YIPF1: variants seen among roughly 807,000 people sequenced by gnomAD.
YIPF1 encodes Yip1 domain family member 1.
YIPF1 carries 22 observed loss-of-function variants against 37.0 expected under a neutral mutation model. The ratio of observed to expected loss-of-function variants is 0.59; its 90% confidence interval spans 0.42 to 0.85. The LOEUF (loss-of-function observed/expected upper bound fraction) is 0.85. Ranked by LOEUF, YIPF1 falls within the 40% of genes least tolerant of loss-of-function variation. The probability of loss-of-function intolerance (pLI) is 0.00; values close to 1 mark genes in which losing one functional copy is unlikely to be tolerated. For synonymous variants in YIPF1, 128 were observed against 131.9 expected (o/e 0.97, Z 0.21); for missense variants, 355 against 373.1 (o/e 0.95, Z 0.40).
At chr1:53,873,908 C>G (rs969740981) in intron 6 of YIPF1, among the ~76,000 whole-genome samples, 1 of 152,146 alleles carries the variant, frequency 6.6e-6, no homozygotes, top group African/African-American at 2.4e-5. Context: ...CTAGCATTCT[C>G]TAGCTGCCCC....
At chr1:53,859,773 G>C (rs575892128) in intron 10 of YIPF1, among the ~76,000 whole-genome samples, 61 of 152,296 alleles carry the variant, frequency 4.0e-4, no homozygotes, top group Admixed American at 3.3e-3. Context: ...AGGGAGAAGA[G>C]AGTCCCCTCT....
intron 9 of YIPF1, among the ~76,000 whole-genome samples, chr1:53,860,840 G>A (rs1649851549): frequency 6.6e-6 from 1 of 152,206 alleles, no homozygotes; most frequent in African/African-American, 2.4e-5. Context: ...AAGGAGGGAA[G>A]ACATAAGGTC....
At chr1:53,885,538 G>C (rs1650623114) in intron 3 of YIPF1, among the ~76,000 whole-genome samples, 2 of 152,034 alleles carry the variant, frequency 1.3e-5, no homozygotes, top group Admixed American at 1.3e-4. Context: ...AAGTATAACT[G>C]GGCTGGATGC....
chr1:53,853,276 C>T (rs902109902), intron 10 of YIPF1, among the ~76,000 whole-genome samples: 3 of 152,146 alleles, frequency 2.0e-5, no homozygotes, highest in Admixed American at 1.3e-4. Flanking sequence ...CTTAACTTGC[C>T]AGGCGAGGGT....
intron 4 of YIPF1, 70 bp from the exon 5 acceptor site, chr1:53,878,792 G>GTGCATT: frequency 7.0e-7 from 1 of 1,435,006 alleles, no homozygotes; most frequent in South Asian, 1.3e-5. Flanking sequence ...TGGGGTGCAG[G>GTGCATT]AGGGATCTGA....
At chr1:53,880,985 C>T (rs1242735580) in intron 4 of YIPF1, among the ~76,000 whole-genome samples, 3 of 152,084 alleles carry the variant, frequency 2.0e-5, no homozygotes, top group African/African-American at 7.2e-5. Flanking sequence ...GGAATACCAG[C>T]TGGGCGCGGT....
intron 6 of YIPF1, among the ~76,000 whole-genome samples, chr1:53,873,704 G>A (rs961002122): frequency 9.2e-5 from 14 of 151,506 alleles, no homozygotes; most frequent in Non-Finnish European, 1.3e-4. Flanking sequence ...AAAAAAAAGT[G>A]GGGGCGGGGG....
At chr1:53,867,013 T>C (rs1650047431) in intron 7 of YIPF1, 89 bp from the exon 8 acceptor site, 1 of 1,458,644 alleles carries the variant, frequency 6.9e-7, no homozygotes, top group African/African-American at 1.4e-5. Flanking sequence ...ACTTAAATGC[T>C]AACATGTCAA....
At chr1:53,882,420 G>C (rs990737275) in intron 4 of YIPF1, among the ~76,000 whole-genome samples, 3 of 151,950 alleles carry the variant, frequency 2.0e-5, no homozygotes, top group Admixed American at 2.0e-4. Context: ...GCCCATTCCT[G>C]GAGGTACTCA....
chr1:53,867,001 G>A (rs1172218904), intron 7 of YIPF1, 77 bp from the exon 8 acceptor site: 2 of 1,486,752 alleles, frequency 1.3e-6, no homozygotes, highest in Non-Finnish European at 1.8e-6. Context: ...ACACCTTATT[G>A]TACTTAAATG....
intron 3 of YIPF1, among the ~76,000 whole-genome samples, chr1:53,888,661 CAT>C (rs1650720682): frequency 6.6e-6 from 1 of 152,128 alleles, no homozygotes; most frequent in Non-Finnish European, 1.5e-5. Flanking sequence ...ACTGTGTAAG[CAT>C]TTTCTGTAAT....
At position 53,866,879 on chromosome 1, in the gene YIPF1, G is replaced by A. The variant is rs1362311506; in HGVS notation, c.527C>T (p.Pro176Leu). 1 of 1,614,138 alleles carries A rather than the reference G, an allele frequency of 6.2e-7. No individual in the cohort carries two copies. Among genetic ancestry groups the A allele is most frequent in the Non-Finnish European group, 8.5e-7 (1 of 1,179,992 alleles). ...CATGAGGAAACCCCAGAGTGCAAGA[G>A]GAACCAGCCAGGCATAGGCATAGAT... ...TIIYAYAWLV[P>L]LALWGFLMWR... Residue 176 changes from proline (P) to leucine (L), a missense_variant, in exon 8 of 11, where the codon CCT becomes CTT. Transcript: ENST00000072644.
chr1:53,870,906 G>A (rs564214039), intron 7 of YIPF1, among the ~76,000 whole-genome samples: 19 of 151,326 alleles, frequency 1.3e-4, no homozygotes, highest in Non-Finnish European at 2.4e-4. Context: ...CAGCTACTCA[G>A]GAGGCTGAGG....
intron 4 of YIPF1, among the ~76,000 whole-genome samples, chr1:53,879,094 C>T (rs1031840455): frequency 7.5e-6 from 1 of 133,830 alleles, no homozygotes; most frequent in African/African-American, 2.8e-5. Flanking sequence ...GTGTAAATAT[C>T]TTTTCGCTTT....
At chr1:53,885,227 T>C (rs1375176144) in intron 3 of YIPF1, among the ~76,000 whole-genome samples, 1 of 152,208 alleles carries the variant, frequency 6.6e-6, no homozygotes, top group Non-Finnish European at 1.5e-5. Flanking sequence ...GTACCTCTTA[T>C]TGATTGTACA....
chr1:53,866,454 A>G (rs1650027531), intron 8 of YIPF1, 72 bp from the exon 9 acceptor site: 4 of 1,520,782 alleles, frequency 2.6e-6, no homozygotes, highest in Non-Finnish European at 3.6e-6. Context: ...ATATGTTTAC[A>G]AAGGCCCCTG....
At chr1:53,859,635 A>T (rs1376515472) in intron 10 of YIPF1, among the ~76,000 whole-genome samples, 1 of 152,202 alleles carries the variant, frequency 6.6e-6, no homozygotes, top group Non-Finnish European at 1.5e-5. Flanking sequence ...ATTGCACTCC[A>T]GCTTGGGCAA....
rs1339454894 is a variant in YIPF1 at position 53,878,710 on chromosome 1, G to A, written c.208C>T (p.Gln70Ter). The part of the protein sequence containing the change: ...DSDKTELLAG[Q>*]KKSSPFWTFE... Reference sequence around the variant, plus strand: ...GTCCAGAAGGGGGAGCTTTTCTTCTGTCCAGCAAGTAACTGTCAGAAATAA... The same window carrying A: ...GTCCAGAAGGGGGAGCTTTTCTTCTATCCAGCAAGTAACTGTCAGAAATAA... The change falls in exon 5 of 11, where the codon CAG becomes TAG. Residue 70 changes from glutamine to a stop codon, truncating the protein, a stop_gained. Transcript: ENST00000072644. LOFTEE classifies it high-confidence loss of function. 1 of 1,591,058 alleles carries A rather than the reference G, an allele frequency of 6.3e-7. No individual in the cohort carries two copies.
At chr1:53,859,321 AGAGT>A (rs1649804512) in intron 10 of YIPF1, among the ~76,000 whole-genome samples, 1 of 152,224 alleles carries the variant, frequency 6.6e-6, no homozygotes. Flanking sequence ...AAGCACCATG[AGAGT>A]GATACTTAAT....
Sources: allele counts gnomAD v4.1 joint callset (sites outside exome capture counted in the v4.1 genomes callset), GRCh38; gene constraint gnomAD v4.1.1; transcripts MANE v1.5; gene names NCBI Gene and HGNC (gene_info 2026-07-23, HGNC 2026-07-21).